Variants in SLC16A10 observed in about 807,000 individuals in gnomAD.
The protein encoded by SLC16A10 is monocarboxylate transporter 10.
In SLC16A10, 27 loss-of-function variants were observed where a neutral mutation model predicts 40.0. The ratio of observed to expected loss-of-function variants is 0.67; its 90% CI spans 0.50 to 0.93. The LOEUF (loss-of-function observed/expected upper bound fraction) is 0.93. Among genes scored for constraint, SLC16A10 ranks in the 40% least tolerant of loss-of-function variants. The pLI, the probability that SLC16A10 is intolerant of heterozygous loss-of-function variation, is 0.00. For synonymous variants in SLC16A10, 213 were observed against 249.8 expected, an observed-to-expected ratio of 0.85 and a Z score of 1.39; for missense variants, 529 against 658.2, an observed-to-expected ratio of 0.80 and a Z score of 2.15.
chr6:111,087,783 G>A lies in SLC16A10; in HGVS notation c.31G>A (p.Ala11Thr). 2.4e-6 allele frequency: 3 copies of A among 1,229,286 alleles called. No individual in the cohort carries two copies. Among genetic ancestry groups the A allele is most frequent in the Non-Finnish European group, 3.0e-6 (3 of 987,368 alleles). 76.1% of individuals were successfully genotyped at this position (1,229,286 alleles called of 1,614,324 possible). Residue 11 changes from alanine to threonine, a missense_variant, in exon 1 of 6, where the codon GCG (alanine) becomes ACG (threonine). Ala to Thr is a moderately conservative substitution (Grantham distance 58, BLOSUM62 0). Coordinates refer to ENST00000368851, the MANE Select transcript of SLC16A10 (RefSeq NM_018593.5). ...GCTCTCCCAGGAGGAGCCGGACTCC[G>A]CGCGGGGCACGAGCGAGGCGCAGCC... Reference protein sequence around the residue: MVLSQEEPDSARGTSEAQPLG... With the variant: MVLSQEEPDSTRGTSEAQPLG...
At chr6:111,219,132 T>C in intron 5 of SLC16A10, 90 bp downstream of exon 5, 1 of 1,159,550 alleles carries the variant, frequency 8.6e-7, no homozygotes, top group Non-Finnish European at 1.2e-6. Flanking sequence ...GTAAAACATA[T>C]TACAGGTTAT....
intron 1 of SLC16A10, among the ~76,000 whole-genome samples, chr6:111,165,574 A>G (rs749538348): frequency 2.0e-5 from 3 of 152,202 alleles, no homozygotes; most frequent in Non-Finnish European, 4.4e-5. Flanking sequence ...TAGCCTCACC[A>G]AGTGGCCAAT....
At chr6:111,133,623 C>G (rs1053892293) in intron 1 of SLC16A10, among the ~76,000 whole-genome samples, 1 of 152,084 alleles carries the variant, frequency 6.6e-6, no homozygotes, top group Admixed American at 6.5e-5. Flanking sequence ...TACAAACTTT[C>G]TTTTCATTAA....
chr6:111,112,325 G>A (rs946080594), intron 1 of SLC16A10, among the ~76,000 whole-genome samples: 2 of 152,146 alleles, frequency 1.3e-5, no homozygotes, highest in Admixed American at 6.5e-5. Context: ...ATGAGCCACC[G>A]TGCCTGGCCA....
intron 1 of SLC16A10, among the ~76,000 whole-genome samples, chr6:111,092,948 G>A (rs1771007675): frequency 6.6e-6 from 1 of 151,596 alleles, no homozygotes; most frequent in Admixed American, 6.6e-5. Context: ...GGCTGAGGCA[G>A]GAGAATTGCT....
At position 111,177,457 on chromosome 6, in the gene SLC16A10, T is replaced by G; in HGVS notation, c.734T>G (p.Phe245Cys). 6.2e-7 allele frequency: 1 copy of G among 1,614,114 alleles called. No individual in the cohort carries two copies. The highest frequency in any genetic ancestry group is 1.1e-5 in the South Asian group (1 of 91,072). The change falls in exon 3 of 6, where the codon TTT (phenylalanine) becomes TGT (cysteine). Residue 245 changes from phenylalanine to cysteine, a missense_variant. Physicochemically the swap from Phe to Cys is radical, Grantham distance 205 (BLOSUM62 -2). Coordinates refer to ENST00000368851, the MANE Select transcript of SLC16A10 (RefSeq NM_018593.5). ...RVLCIFMFVL[F>C]LAGFTYRPLA... The stretch of plus-strand genomic sequence containing the variant: ...CTCTGCATCTTCATGTTTGTTCTCT[T>G]TCTGGCTGGCTTTACTTACCGACCT...
intron 1 of SLC16A10, among the ~76,000 whole-genome samples, chr6:111,143,822 A>G (rs1156444839): frequency 6.6e-6 from 1 of 152,144 alleles, no homozygotes; most frequent in Non-Finnish European, 1.5e-5. Context: ...GTGAACCTTA[A>G]TATAAACTAT....
intron 3 of SLC16A10, among the ~76,000 whole-genome samples, chr6:111,194,668 A>G (rs931199682): frequency 1.3e-5 from 2 of 152,170 alleles, no homozygotes; most frequent in African/African-American, 4.8e-5. Context: ...CTCAATAATA[A>G]ACCAAGTGTC....
chr6:111,125,893 A>T (rs2114481237), intron 1 of SLC16A10, among the ~76,000 whole-genome samples: 1 of 152,314 alleles, frequency 6.6e-6, no homozygotes, highest in African/African-American at 2.4e-5. Context: ...TGGAAAACCT[A>T]GGACACAAGC....
chr6:111,151,975 C>T (rs1772180428), intron 1 of SLC16A10, among the ~76,000 whole-genome samples: 1 of 152,076 alleles, frequency 6.6e-6, no homozygotes, highest in Admixed American at 6.6e-5. Context: ...GTTGTTCTGC[C>T]GTTGTTTGTG....
chr6:111,199,654 A>G (rs1773136393), intron 3 of SLC16A10, among the ~76,000 whole-genome samples: 1 of 152,134 alleles, frequency 6.6e-6, no homozygotes, highest in South Asian at 2.1e-4. Context: ...CTATTTTAAG[A>G]TGAAGTCTAC....
intron 5 of SLC16A10, 96 bp downstream of exon 5, chr6:111,219,138 G>T: frequency 9.0e-7 from 1 of 1,112,738 alleles, no homozygotes. Context: ...CATATTACAG[G>T]TTATTGATTA....
chr6:111,165,691 T>A (rs1288738989), intron 1 of SLC16A10, among the ~76,000 whole-genome samples: 1 of 152,300 alleles, frequency 6.6e-6, no homozygotes, highest in South Asian at 2.1e-4. Context: ...TTCAAAGAGA[T>A]GGTAAGCAGT....
rs1018610533 is a variant in SLC16A10 at position 111,088,044 on chromosome 6, A to C, written c.292A>C (p.Met98Leu). The C allele has an allele frequency of 1.2e-5, 19 of 1,608,938 alleles. No homozygotes were observed. The highest frequency in any genetic ancestry group is 1.6e-5 in the Non-Finnish European group (19 of 1,177,758). Reference protein sequence around the residue: ...QNACGVLFVSMLETFGSKDDD... With the variant: ...QNACGVLFVSLLETFGSKDDD... ...CGCTTGCGGGGTGCTCTTCGTGTCC[A>C]TGCTGGAAACCTTCGGCTCCAAAGA... Residue 98 changes from methionine to leucine, a missense_variant, in exon 1 of 6, where the codon ATG (methionine) becomes CTG (leucine). By Grantham distance (15) the Met-to-Leu change is conservative. Transcript: ENST00000368851.
intron 1 of SLC16A10, among the ~76,000 whole-genome samples, chr6:111,101,202 T>C (rs189220396): frequency 5.6e-4 from 85 of 151,888 alleles, no homozygotes; most frequent in Non-Finnish European, 8.7e-4. Flanking sequence ...AACTAATTTT[T>C]GTATTTTTTT....
At chr6:111,169,210 G>A (rs1263577040) in intron 1 of SLC16A10, among the ~76,000 whole-genome samples, 1 of 152,192 alleles carries the variant, frequency 6.6e-6, no homozygotes, top group Non-Finnish European at 1.5e-5. Context: ...GATTAGAGGT[G>A]GGCCTAGCGG....
At chr6:111,094,541 T>TG (rs1440418077) in intron 1 of SLC16A10, among the ~76,000 whole-genome samples, 1 of 152,248 alleles carries the variant, frequency 6.6e-6, no homozygotes, top group East Asian at 1.9e-4. Flanking sequence ...TTACCTGTTT[T>TG]GTTAAATCAG....
rs1406252504 is a variant in SLC16A10 at position 111,230,616 on chromosome 6, A to G, written c.*8381A>G. 6.6e-6 allele frequency: 1 copy of G among 152,194 alleles called. No homozygotes were observed. Among genetic ancestry groups the G allele is most frequent in the Non-Finnish European group, 1.5e-5 (1 of 68,034 alleles). 9.4% of individuals were successfully genotyped at this position (152,194 alleles called of 1,614,324 possible). The stretch of plus-strand genomic sequence containing the variant: ...GTAGAGGCATTGCACAATGCTTGAT[A>G]AAAGTTGCATTTTGCTTTTGTTCTT... On this transcript the variant is annotated 3_prime_UTR_variant, in exon 6 of 6. Transcript: ENST00000368851.
At chr6:111,133,742 AC>A (rs958362740) in intron 1 of SLC16A10, among the ~76,000 whole-genome samples, 38 of 151,948 alleles carry the variant, frequency 2.5e-4, no homozygotes, top group African/African-American at 9.2e-4. Flanking sequence ...ACTAATAAGG[AC>A]CCCCCTTTCA....
Sources: allele counts gnomAD v4.1 joint callset (sites outside exome capture counted in the v4.1 genomes callset), GRCh38; gene constraint gnomAD v4.1.1; transcripts MANE v1.5; gene names NCBI Gene and HGNC (gene_info 2026-07-23, HGNC 2026-07-21).